FOXO1: variants seen among roughly 807,000 people sequenced by gnomAD.
FOXO1 encodes the protein forkhead box protein O1.
Under a neutral mutation model 44.1 loss-of-function variants are expected in FOXO1, and 6 were observed. That is an observed-to-expected ratio of 0.14 (90% CI 0.07 to 0.27). The LOEUF (loss-of-function observed/expected upper bound fraction) is 0.27. Ranked by LOEUF, FOXO1 falls within the 10% of genes least tolerant of loss-of-function variation. The pLI is 1.00. For missense variants in FOXO1, 737 were observed against 888.8 expected, an observed-to-expected ratio of 0.83 and a Z score of 2.17; for synonymous variants, 380 against 362.7, an observed-to-expected ratio of 1.05 and a Z score of -0.54.
Position 40,560,192 on chromosome 13 carries a change from A to G in FOXO1, c.1299T>C (p.Pro433=), listed in dbSNP as rs1873936967. The G allele has an allele frequency of 6.2e-7, 1 of 1,614,146 alleles. No homozygotes were observed. The highest frequency in any genetic ancestry group is 8.5e-7 in the Non-Finnish European group (1 of 1,180,028). ...KYTYGQSSMS[P]LPQMPIQTLQ... is the part of the protein sequence containing the mutation. ...GTGTTTGTATAGGCATCTGGGGCAA[A>G]GGGCTCATGCTGGATTGGCCATATG... Residue 433 remains proline (P), a synonymous_variant, in exon 2 of 3, where the codon CCT becomes CCC. Coordinates refer to ENST00000379561, the MANE Select transcript of FOXO1 (RefSeq NM_002015.4). This position sits in a 1 kb window ranked among gnomAD's most constrained non-coding sequence, Gnocchi z 5.1.
rs1457796454 is a variant in FOXO1 at position 40,577,151 on chromosome 13, CCCCA to C, written c.631-16295_631-16292del. The stretch of plus-strand genomic sequence containing the variant: ...ATAAGCTGCAGTGGCATCAGACTCC[CCCCA>C]CCCACCCACCCCTCCTCCTCAATGT... On this transcript the variant is annotated intron_variant, in intron 1 of 2. Transcript: ENST00000379561. Among the ~76,000 whole-genome samples the C allele has an allele frequency of 4.3e-5, 6 of 139,446 alleles. No homozygotes were observed. In the South Asian group the frequency reaches 8.2e-4, roughly 19 times the overall value. 91.5% of individuals were successfully genotyped at this position (139,446 alleles called of 152,430 possible). A position where few individuals can be genotyped will look rare whatever the true frequency, so the allele number is the denominator to read the frequency against.
intron 1 of FOXO1, chr13:40,618,862 C>G (rs1455008909): frequency 1.9e-6 from 1 of 526,528 alleles, no homozygotes; most frequent in Non-Finnish European, 3.8e-6. Flanking sequence ...GGCCTGAGAA[C>G]TCGATGAAGA....
At chr13:40,657,495 C>T (rs1305298335) in intron 1 of FOXO1, among the ~76,000 whole-genome samples, 1 of 151,938 alleles carries the variant, frequency 6.6e-6, no homozygotes, top group Non-Finnish European at 1.5e-5. Context: ...ACCACACTCA[C>T]TTAATCTCTT....
At position 40,613,924 on chromosome 13, in the gene FOXO1, G is replaced by A. The variant is rs147562498; in HGVS notation, c.630+51659C>T. Reference sequence around the variant, plus strand: ...GAAGAGCTTTAACAGACAGAAGAAAGTAAATCAGACCTCTCCTTAAAAAGA... The same window carrying A: ...GAAGAGCTTTAACAGACAGAAGAAAATAAATCAGACCTCTCCTTAAAAAGA... On this transcript the variant is annotated intron_variant, in intron 1 of 2. Coordinates refer to ENST00000379561, the MANE Select transcript of FOXO1 (RefSeq NM_002015.4). Among the ~76,000 whole-genome samples the A allele has an allele frequency of 5.0e-3, 761 of 152,274 alleles. 8 individuals are homozygous for A. Among genetic ancestry groups the A allele is most frequent in the African/African-American group, 0.017 (727 of 41,544 alleles).
intron 1 of FOXO1, among the ~76,000 whole-genome samples, chr13:40,606,736 T>C (rs968081539): frequency 1.3e-5 from 2 of 152,142 alleles, no homozygotes; most frequent in Non-Finnish European, 2.9e-5. Flanking sequence ...TAGACACTAC[T>C]TGCCAGATGT....
At chr13:40,604,825 T>C (rs1875938182) in intron 1 of FOXO1, among the ~76,000 whole-genome samples, 1 of 152,190 alleles carries the variant, frequency 6.6e-6, no homozygotes, top group Admixed American at 6.5e-5. Flanking sequence ...TTTAACATTA[T>C]AGACAGTAAA....
At chr13:40,610,815 G>A (rs944206376) in intron 1 of FOXO1, among the ~76,000 whole-genome samples, 9 of 152,124 alleles carry the variant, frequency 5.9e-5, no homozygotes, top group African/African-American at 9.7e-5. Context: ...TGTAACCAAC[G>A]AATACCCTGC....
chr13:40,577,569 C>T (rs924665879), intron 1 of FOXO1, among the ~76,000 whole-genome samples: 5 of 152,148 alleles, frequency 3.3e-5, no homozygotes, highest in African/African-American at 1.2e-4. Context: ...TAACAGATAC[C>T]TGCAGACAGG....
intron 1 of FOXO1, chr13:40,619,957 A>G (rs537605235): frequency 5.3e-5 from 36 of 679,742 alleles, no homozygotes; most frequent in African/African-American, 3.6e-4. Context: ...AAGATCTACT[A>G]TAAGTAGCCG....
chr13:40,652,071 G>C (rs943441407), intron 1 of FOXO1, among the ~76,000 whole-genome samples: 1 of 152,096 alleles, frequency 6.6e-6, no homozygotes, highest in Non-Finnish European at 1.5e-5. Flanking sequence ...TTGGTGCCAA[G>C]TACACAAACA....
intron 1 of FOXO1, among the ~76,000 whole-genome samples, chr13:40,635,717 C>A (rs1343625435): frequency 6.6e-6 from 1 of 152,230 alleles, no homozygotes; most frequent in Non-Finnish European, 1.5e-5. Flanking sequence ...AGGCTGATGC[C>A]TTGTGCAGGA....
At chr13:40,573,799 C>T (rs1174036730) in intron 1 of FOXO1, among the ~76,000 whole-genome samples, 6 of 152,214 alleles carry the variant, frequency 3.9e-5, no homozygotes, top group Non-Finnish European at 8.8e-5. Flanking sequence ...AACACACTGG[C>T]TATGCGCAAT....
At position 40,601,103 on chromosome 13, in the gene FOXO1, T is replaced by G. The variant is rs997457287; in HGVS notation, c.631-40243A>C. On this transcript the variant is annotated intron_variant, in intron 1 of 2. Transcript: ENST00000379561. ...GCCCCCCACCACCCGTTTTCTCTTC[T>G]TTGCAGCCATCTTCCCTTTCATCAG... Among the ~76,000 whole-genome samples, 3 of 152,192 alleles carry G rather than the reference T, an allele frequency of 2.0e-5. 1 individual carries two copies. The South Asian group carries it at 6.2e-4, about 31-fold the overall frequency.
At chr13:40,568,898 G>A (rs1403723026) in intron 1 of FOXO1, among the ~76,000 whole-genome samples, 3 of 150,624 alleles carry the variant, frequency 2.0e-5, no homozygotes, top group African/African-American at 7.3e-5. Context: ...ACAAAGTTCA[G>A]AGAGATTACA....
In FOXO1 at chr13:40,560,429, C is replaced by A; in HGVS notation, c.1062G>T (p.Lys354Asn). ...ACAGACTGGGTAAAGTAGAGGCCAT[C>A]TTTGCGGCAGATGGCGGGTACACCA... The part of the protein sequence containing the change: ...HSMVYPPSAA[K>N]MASTLPSLSE... The change falls in exon 2 of 3, where the codon AAG becomes AAT. Residue 354 changes from lysine (K) to asparagine (N), a missense_variant. Transcript: ENST00000379561. This position sits in a 1 kb window ranked among gnomAD's most constrained non-coding sequence, Gnocchi z 5.1. The A allele has an allele frequency of 6.2e-7, 1 of 1,614,186 alleles. No individual in the cohort carries two copies. Among genetic ancestry groups the A allele is most frequent in the Non-Finnish European group, 8.5e-7 (1 of 1,180,036 alleles).
At chr13:40,629,235 C>G (rs912948909) in intron 1 of FOXO1, among the ~76,000 whole-genome samples, 1 of 152,104 alleles carries the variant, frequency 6.6e-6, no homozygotes, top group African/African-American at 2.4e-5. Context: ...CTCCGCCTCC[C>G]GGGTTCAAGC....
rs997179877 is a variant in FOXO1 at position 40,588,682 on chromosome 13, A to G, written c.631-27822T>C. On this transcript the variant is annotated intron_variant, in intron 1 of 2. Transcript: ENST00000379561. Reference sequence around the variant, plus strand: ...CCCCGGCAGAGGCCCCAGCCTAATGAACAACCCTCAACCAAATCTTCCTGA... The same window carrying G: ...CCCCGGCAGAGGCCCCAGCCTAATGGACAACCCTCAACCAAATCTTCCTGA... Among the ~76,000 whole-genome samples the G allele has an allele frequency of 3.3e-5, 5 of 152,320 alleles. No homozygotes were observed. The South Asian group carries it at 8.3e-4, about 25-fold the overall frequency.
chr13:40,573,259 G>A lies in FOXO1; in HGVS notation c.631-12399C>T, dbSNP rs548828634. 9.2e-5 allele frequency among the ~76,000 whole-genome samples: 14 copies of A among 152,330 alleles called. 1 individual carries two copies. The East Asian group carries it at 2.7e-3, about 29-fold the overall frequency. On this transcript the variant is annotated intron_variant, in intron 1 of 2. Transcript: ENST00000379561. Reference sequence around the variant, plus strand: ...CTGCGCAGTCACTGGCACTCCACCAGATGTGGGCACATCTGTGTCAGAGGT... The same window carrying A: ...CTGCGCAGTCACTGGCACTCCACCAAATGTGGGCACATCTGTGTCAGAGGT...
intron 1 of FOXO1, among the ~76,000 whole-genome samples, chr13:40,607,871 G>C (rs997901223): frequency 2.0e-5 from 3 of 152,252 alleles, no homozygotes; most frequent in African/African-American, 7.2e-5. Flanking sequence ...GCCCATGACA[G>C]AAACAGGTTA....
Sources: gnomAD v4.1 joint callset for allele counts (sites outside exome capture counted in the v4.1 genomes callset) on GRCh38, gnomAD v4.1.1 for gene constraint, Gnocchi (gnomAD v3.1) non-coding constraint, MANE v1.5 for transcripts, NCBI Gene and HGNC (gene_info 2026-07-23, HGNC 2026-07-21) for gene names.